The following RGSL1 variants were observed in gnomAD, a reference collection of about 807,000 sequenced individuals.
RGSL1 encodes regulator of G protein signaling like 1.
Under a neutral mutation model 124.7 loss-of-function variants are expected in RGSL1, and 97 were observed. That is an observed-to-expected ratio of 0.78 (90% CI 0.66 to 0.92). RGSL1 has a LOEUF of 0.92. Ranked by LOEUF, RGSL1 falls within the 40% of genes least tolerant of loss-of-function variation. The pLI, the probability that RGSL1 is intolerant of heterozygous loss-of-function variation, is 0.00. For missense variants in RGSL1, 1,233 were observed against 1,288.4 expected, an observed-to-expected ratio of 0.96 and a Z score of 0.66; for synonymous variants, 424 against 438.1, an observed-to-expected ratio of 0.97 and a Z score of 0.40.
Position 182,555,861 on chromosome 1 carries a change from A to G in RGSL1, c.3198-163A>G, listed in dbSNP as rs146945847. 13 of 636,702 alleles carry G rather than the reference A, an allele frequency of 2.0e-5. No homozygotes were observed. The African/African-American group carries it at 2.4e-4, about 12-fold the overall frequency. The allele number at this position is 636,702 out of a possible 1,614,324, so 39.4% of individuals were successfully genotyped here. Reference sequence around the variant, plus strand: ...TTCAGAGTTTATAAGGCCTTGGGGAAGAAGGTGAGACTAAGAATGTGAGAA... The same window carrying G: ...TTCAGAGTTTATAAGGCCTTGGGGAGGAAGGTGAGACTAAGAATGTGAGAA... On this transcript the variant is annotated intron_variant, in intron 20 of 21. Transcript: ENST00000294854.
chr1:182,544,105 GTCTT>G (rs1241130062), intron 15 of RGSL1, among the ~76,000 whole-genome samples: 1 of 151,796 alleles, frequency 6.6e-6, no homozygotes, highest in African/African-American at 2.4e-5. Flanking sequence ...TTTATTTGAA[GTCTT>G]TCTACTTTTT....
intron 12 of RGSL1, 28 bp from the exon 13 acceptor site, chr1:182,530,762 T>A: frequency 6.7e-7 from 1 of 1,500,886 alleles, no homozygotes. Flanking sequence ...TTTTGCCCTG[T>A]TTGATATTAC....
At chr1:182,535,559 A>C (rs1387718509) in intron 14 of RGSL1, among the ~76,000 whole-genome samples, 1 of 152,094 alleles carries the variant, frequency 6.6e-6, no homozygotes, top group Non-Finnish European at 1.5e-5. Context: ...ATTTTTGCTT[A>C]TTCTCCTGCA....
intron 10 of RGSL1, among the ~76,000 whole-genome samples, chr1:182,524,278 G>T (rs1658574395): frequency 2.1e-5 from 1 of 46,854 alleles, no homozygotes; most frequent in African/African-American, 8.5e-5. Flanking sequence ...ATATTAGTCT[G>T]ACAGAAATGA....
intron 10 of RGSL1, 148 bp downstream of exon 10, chr1:182,522,257 A>G: frequency 1.6e-6 from 1 of 639,692 alleles, no homozygotes; most frequent in Non-Finnish European, 2.8e-6. Flanking sequence ...CACTCTTAGT[A>G]TTTTAAATCA....
intron 4 of RGSL1, among the ~76,000 whole-genome samples, chr1:182,468,915 T>C (rs1157113343): frequency 6.6e-6 from 1 of 151,974 alleles, no homozygotes; most frequent in Non-Finnish European, 1.5e-5. Flanking sequence ...GACCATTCAA[T>C]GGGGAAAGGA....
chr1:182,470,543 C>T (rs1262413752), intron 4 of RGSL1, among the ~76,000 whole-genome samples: 1 of 152,180 alleles, frequency 6.6e-6, no homozygotes, highest in East Asian at 1.9e-4. Context: ...ACCCTTTGTA[C>T]AAATCTTGTC....
At chr1:182,454,446 C>T (rs74340015) in intron 2 of RGSL1, among the ~76,000 whole-genome samples, 594 of 152,266 alleles carry the variant, frequency 3.9e-3, no homozygotes, top group Non-Finnish European at 6.4e-3. Flanking sequence ...GTTCCACCTA[C>T]GAAAATCTTA....
At chr1:182,552,472 A>G (rs1418649121) in intron 18 of RGSL1, among the ~76,000 whole-genome samples, 1 of 152,170 alleles carries the variant, frequency 6.6e-6, no homozygotes, top group East Asian at 1.9e-4. Flanking sequence ...GGTGAGGACA[A>G]GGCTGGGTGT....
intron 9 of RGSL1, among the ~76,000 whole-genome samples, chr1:182,505,155 T>C (rs2102164791): frequency 6.6e-6 from 1 of 152,334 alleles, no homozygotes; most frequent in Admixed American, 6.5e-5. Flanking sequence ...TAAATTCTTT[T>C]AGTAATTTCA....
At chr1:182,525,623 G>A (rs1324388473) in intron 10 of RGSL1, among the ~76,000 whole-genome samples, 1 of 151,900 alleles carries the variant, frequency 6.6e-6, no homozygotes, top group Non-Finnish European at 1.5e-5. Flanking sequence ...GAGTGCTGCA[G>A]GAGAAAAAGA....
upstream of RGSL1, among the ~76,000 whole-genome samples, chr1:182,448,967 A>G (rs1238965639): frequency 1.3e-5 from 2 of 152,200 alleles, no homozygotes; most frequent in African/African-American, 4.8e-5. Context: ...ATGTGAGCAT[A>G]TATTACTACT....
intron 2 of RGSL1, 108 bp downstream of exon 2, chr1:182,454,148 TA>T: frequency 3.0e-6 from 2 of 677,434 alleles, no homozygotes; most frequent in South Asian, 3.5e-5. Context: ...GGGGTTTTAC[TA>T]AATGTCTTCT....
intron 15 of RGSL1, among the ~76,000 whole-genome samples, chr1:182,546,673 G>T (rs1660231596): frequency 6.6e-6 from 1 of 152,216 alleles, no homozygotes. Context: ...TTACAGGTGT[G>T]AGCCACTGCA....
At chr1:182,484,956 C>G (rs1161759449) in intron 6 of RGSL1, among the ~76,000 whole-genome samples, 2 of 152,102 alleles carry the variant, frequency 1.3e-5, no homozygotes. Flanking sequence ...AAGACACATT[C>G]CAGCAGTAAT....
chr1:182,525,475 A>G (rs1658673874), intron 10 of RGSL1, among the ~76,000 whole-genome samples: 1 of 152,146 alleles, frequency 6.6e-6, no homozygotes, highest in Non-Finnish European at 1.5e-5. Context: ...AAAAATCTGG[A>G]GTTGAAAAGT....
intron 14 of RGSL1, 104 bp downstream of exon 14, chr1:182,532,895 G>A: frequency 7.6e-7 from 1 of 1,321,546 alleles, no homozygotes; most frequent in African/African-American, 1.5e-5. Context: ...GCGGCAGCCT[G>A]GAGTCTAGCA....
chr1:182,464,486 G>A (rs962714076), intron 4 of RGSL1, among the ~76,000 whole-genome samples: 5 of 152,150 alleles, frequency 3.3e-5, no homozygotes, highest in African/African-American at 1.2e-4. Context: ...CACTTTGGGA[G>A]GCCTTAGGGG....
chr1:182,458,446 A>G (rs1356472073), intron 3 of RGSL1, 53 bp downstream of exon 3: 2 of 1,379,796 alleles, frequency 1.4e-6, no homozygotes, highest in Non-Finnish European at 2.0e-6. Context: ...TGAGGGAACT[A>G]TAATTGTTTT....
Sources: gnomAD v4.1 joint callset for allele counts (sites outside exome capture counted in the v4.1 genomes callset) on GRCh38, gnomAD v4.1.1 for gene constraint, MANE v1.5 for transcripts, NCBI Gene and HGNC (gene_info 2026-07-23, HGNC 2026-07-21) for gene names.